The following SNX29 variants were observed in gnomAD, a reference collection of about 807,000 sequenced individuals.
SNX29 encodes the protein sorting nexin 29.
Under a neutral mutation model 102.1 loss-of-function variants are expected in SNX29, and 78 were observed. That is an observed-to-expected ratio of 0.76 (90% CI 0.64 to 0.92). The LOEUF is 0.92. Ranked by LOEUF, SNX29 falls within the 40% of genes least tolerant of loss-of-function variation. The pLI is 0.00. For missense variants in SNX29, 1,280 were observed against 1,061.7 expected (o/e 1.21, Z -2.86); for synonymous variants, 580 against 414.5 (o/e 1.40, Z -4.85).
At chr16:12,393,287 A>G (rs1159380733) in intron 16 of SNX29, among the ~76,000 whole-genome samples, 1 of 151,506 alleles carries the variant, frequency 6.6e-6, no homozygotes, top group East Asian at 1.9e-4. Flanking sequence ...TCTCCAAACT[A>G]ACTTATCCTT....
chr16:12,125,362 C>T (rs1041779667), intron 11 of SNX29, among the ~76,000 whole-genome samples: 3 of 152,044 alleles, frequency 2.0e-5, no homozygotes, highest in Non-Finnish European at 2.9e-5. Flanking sequence ...TTAAAAGATT[C>T]CCACTACCAG....
chr16:12,069,099 A>T lies in SNX29; in HGVS notation c.1286A>T (p.Asp429Val). 1 of 1,613,734 alleles carries T rather than the reference A, an allele frequency of 6.2e-7. No homozygotes were observed. Among genetic ancestry groups the T allele is most frequent in the South Asian group, 1.1e-5 (1 of 91,044 alleles). Residue 429 changes from aspartate (D) to valine (V), a missense_variant, in exon 10 of 21, where the codon GAC becomes GTC. By Grantham distance (152) the Asp-to-Val change is radical. Coordinates refer to ENST00000566228, the MANE Select transcript of SNX29 (RefSeq NM_032167.5). ...GSLENGTGPE[D>V]HVLPDPGLRY... ...CTGGAGAACGGGACAGGACCAGAGG[A>T]CCACGTTCTCCCAGATCCTGGACTT...
chr16:12,399,870 C>T (rs895295171), intron 17 of SNX29, among the ~76,000 whole-genome samples: 1 of 152,038 alleles, frequency 6.6e-6, no homozygotes, highest in African/African-American at 2.4e-5. Context: ...CCTGGAACGG[C>T]AGAGTCCGGC....
chr16:12,459,611 C>T (rs2086691893), intron 18 of SNX29, among the ~76,000 whole-genome samples: 2 of 152,278 alleles, frequency 1.3e-5, no homozygotes, highest in African/African-American at 2.4e-5. Flanking sequence ...GCACGTGGGG[C>T]TGGGTGGAGG....
At chr16:12,460,617 A>G (rs1004221428) in intron 18 of SNX29, among the ~76,000 whole-genome samples, 3 of 151,068 alleles carry the variant, frequency 2.0e-5, no homozygotes, top group African/African-American at 7.3e-5. Context: ...ACTGGACTAT[A>G]ACTTTTTGGC....
chr16:12,330,699 G>A (rs774955610), intron 15 of SNX29, among the ~76,000 whole-genome samples: 5 of 152,186 alleles, frequency 3.3e-5, no homozygotes, highest in African/African-American at 4.8e-5. Context: ...GAGTCCTGGC[G>A]GCGCTTGTGG....
chr16:12,430,120 C>T (rs1203311942), intron 18 of SNX29, among the ~76,000 whole-genome samples: 1 of 152,220 alleles, frequency 6.6e-6, no homozygotes, highest in Non-Finnish European at 1.5e-5. Flanking sequence ...TACAAGGGAT[C>T]TAGGTTTCAT....
In SNX29 at chr16:12,070,190, T is replaced by A. The variant is rs551639086; in HGVS notation, c.1319+1058T>A. Among the ~76,000 whole-genome samples the A allele has an allele frequency of 7.9e-5, 12 of 152,216 alleles. 1 individual carries two copies. In the South Asian group the frequency reaches 2.5e-3, roughly 32 times the overall value. On this transcript the variant is annotated intron_variant, in intron 10 of 20. Coordinates refer to ENST00000566228, the MANE Select transcript of SNX29 (RefSeq NM_032167.5). ...CTCCCAAGTTGTTGGATGCTTTTTT[T>A]TTATTATTTAAGTTTTAGGGTACAT... is the stretch of plus-strand genomic sequence containing the variant.
chr16:12,556,974 G>A (rs954925228), intron 20 of SNX29, among the ~76,000 whole-genome samples: 1 of 145,830 alleles, frequency 6.9e-6, no homozygotes, highest in East Asian at 2.0e-4. Context: ...TCTGCCTCAT[G>A]AGTAGCTGGA....
intron 11 of SNX29, among the ~76,000 whole-genome samples, chr16:12,121,880 C>T (rs1414579342): frequency 3.3e-5 from 5 of 152,138 alleles, no homozygotes; most frequent in Admixed American, 6.5e-5. Context: ...CTCACTGCAA[C>T]CTCCACCTCC....
intron 18 of SNX29, among the ~76,000 whole-genome samples, chr16:12,423,555 T>C (rs770915907): frequency 6.6e-6 from 1 of 152,056 alleles, no homozygotes; most frequent in African/African-American, 2.4e-5. Context: ...CCAAGTGCAT[T>C]TGGGACATGC....
chr16:12,512,244 G>A (rs907167568), intron 19 of SNX29, among the ~76,000 whole-genome samples: 1 of 150,650 alleles, frequency 6.6e-6, no homozygotes, highest in African/African-American at 2.4e-5. Flanking sequence ...GAGTGGAGCC[G>A]TGCCAGGTGA....
At chr16:12,069,159 G>A in intron 10 of SNX29, 27 bp downstream of exon 10, 1 of 1,589,076 alleles carries the variant, frequency 6.3e-7, no homozygotes, top group East Asian at 2.3e-5. Flanking sequence ...CCAGTTGCCT[G>A]TGGCATTAAA....
intron 19 of SNX29, among the ~76,000 whole-genome samples, chr16:12,505,764 A>AAAAAAC: frequency 2.3e-4 from 1 of 4,436 alleles, no homozygotes; most frequent in South Asian, 0.011. Flanking sequence ...TCAATTCTGC[A>AAAAAAC]AAAAAAAAAA....
intron 18 of SNX29, among the ~76,000 whole-genome samples, chr16:12,462,266 T>G (rs546876413): frequency 9.2e-5 from 14 of 151,662 alleles, no homozygotes; most frequent in Non-Finnish European, 1.6e-4. Context: ...CATTGCCTCT[T>G]TTTTCCTGAA....
chr16:12,535,867 C>A (rs894429357), intron 20 of SNX29, among the ~76,000 whole-genome samples: 2 of 152,182 alleles, frequency 1.3e-5, no homozygotes, highest in African/African-American at 4.8e-5. Context: ...CCTATTGGTG[C>A]TGTCCAAGGT....
intron 15 of SNX29, among the ~76,000 whole-genome samples, chr16:12,321,756 G>A (rs955864434): frequency 6.6e-6 from 1 of 152,134 alleles, no homozygotes; most frequent in Non-Finnish European, 1.5e-5. Context: ...ACAGATGGCA[G>A]GTGTAAGAGT....
intron 16 of SNX29, among the ~76,000 whole-genome samples, chr16:12,365,287 C>T (rs60467313): frequency 1.8e-4 from 28 of 151,640 alleles, no homozygotes; most frequent in African/African-American, 6.3e-4. Flanking sequence ...GTGAATCTCT[C>T]CCTTTCTTAT....
intron 20 of SNX29, chr16:12,526,641 G>C: frequency 1.9e-6 from 1 of 528,366 alleles, no homozygotes; most frequent in South Asian, 1.6e-5. Context: ...AGGGTGCACG[G>C]GGGAATTAGC....
Sources: gnomAD v4.1 joint callset for allele counts (sites outside exome capture counted in the v4.1 genomes callset) on GRCh38, gnomAD v4.1.1 for gene constraint, MANE v1.5 for transcripts, NCBI Gene and HGNC (gene_info 2026-07-23, HGNC 2026-07-21) for gene names.